Variants in DST observed in about 807,000 individuals in gnomAD.
DST encodes the protein dystonin.
Under a neutral mutation model 875.2 loss-of-function variants are expected in DST, and 253 were observed. That is an observed-to-expected ratio of 0.29 (90% CI 0.26 to 0.32). The LOEUF (loss-of-function observed/expected upper bound fraction) is 0.32, where lower values mean the gene tolerates loss of function less well. DST is among the 10% of genes least tolerant of loss of function. The pLI is 1.00. For synonymous variants in DST, 3,124 were observed against 3,197.1 expected (o/e 0.98, Z 0.77); for missense variants, 8,287 against 9,111.6 (o/e 0.91, Z 3.68).
chr6:56,652,291 C>A (rs2098980516), intron 10 of DST, among the ~76,000 whole-genome samples: 1 of 152,180 alleles, frequency 6.6e-6, no homozygotes, highest in Non-Finnish European at 1.5e-5. Context: ...TCACTCAAGG[C>A]TAGAAGCCAG....
At position 56,714,176 on chromosome 6, in the gene DST, C is replaced by A. The variant is rs2099387252; in HGVS notation, c.688-9807G>T. Among the ~76,000 whole-genome samples the A allele has an allele frequency of 6.6e-6, 1 of 152,082 alleles. No individual in the cohort carries two copies. The highest frequency in any genetic ancestry group is 1.5e-5 in the Non-Finnish European group (1 of 68,018). Reference sequence around the variant, plus strand: ...CGATTCATATTTTTCTAAAATAAAACCACCCAAAATCATATCTGGGGAACT... The same window carrying A: ...CGATTCATATTTTTCTAAAATAAAAACACCCAAAATCATATCTGGGGAACT... On this transcript the variant is annotated intron_variant, in intron 5 of 103. Coordinates refer to ENST00000680361, the MANE Select transcript of DST (RefSeq NM_001374736.1). The surrounding 1 kb of genome is among the most constrained non-coding windows in gnomAD (Gnocchi z 4.5).
At position 56,473,881 on chromosome 6, in the gene DST, C is replaced by A; in HGVS notation, c.21986G>T (p.Arg7329Leu). Residue 7329 changes from arginine (R) to leucine (L), a missense_variant, in exon 93 of 104, where the codon CGA (arginine) becomes CTA (leucine). Coordinates refer to ENST00000680361, the MANE Select transcript of DST (RefSeq NM_001374736.1). ...AATTGATCACTGCTTACTTCCTGCT[C>A]GTCCCTTATCCAAGACTGGAATATG... ...QSHIPVLDKG[R>L]AGRKRFPASS... 1 of 1,598,980 alleles carries A rather than the reference C, an allele frequency of 6.3e-7. No individual in the cohort carries two copies. The highest frequency in any genetic ancestry group is 8.5e-7 in the Non-Finnish European group (1 of 1,171,606).
At chr6:56,859,167 T>A (rs1769646536) in intron 3 of DST, among the ~76,000 whole-genome samples, 1 of 152,146 alleles carries the variant, frequency 6.6e-6, no homozygotes, top group Admixed American at 6.6e-5. Flanking sequence ...AATGTACAAC[T>A]ACAGTACTCC....
chr6:56,890,103 T>A (rs1786646115), intron 3 of DST, among the ~76,000 whole-genome samples: 1 of 147,866 alleles, frequency 6.8e-6, no homozygotes, highest in African/African-American at 2.7e-5. Flanking sequence ...TCTCCATTCC[T>A]TACTCAAAAA....
chr6:56,528,718 G>T (rs1292737698), intron 67 of DST, 123 bp downstream of exon 67: 2 of 693,210 alleles, frequency 2.9e-6, no homozygotes, highest in Non-Finnish European at 5.0e-6. Flanking sequence ...GCATTCTCCA[G>T]AATAAAAGTC....
At chr6:56,611,373 C>A in intron 38 of DST, 135 bp downstream of exon 38, 1 of 626,726 alleles carries the variant, frequency 1.6e-6, no homozygotes, top group Non-Finnish European at 2.8e-6. Flanking sequence ...ATACTCTTTA[C>A]ATTACTATAT....
rs774681834 is a variant in DST, at chr6:56,555,325, T to G, written c.15136+20A>C. The G allele has an allele frequency of 8.4e-6, 13 of 1,538,932 alleles. No individual in the cohort carries two copies. Among genetic ancestry groups the G allele is most frequent in the Non-Finnish European group, 8.7e-7 (1 of 1,145,390 alleles). ...CATTTATTTCTGACCAGGAAATATA[T>G]GTATTAAAAGTAGACAAACCTGCTT... On this transcript the variant is annotated intron_variant, in intron 60 of 103. Coordinates refer to ENST00000680361, the MANE Select transcript of DST (RefSeq NM_001374736.1).
intron 4 of DST, among the ~76,000 whole-genome samples, chr6:56,743,774 G>C (rs897378737): frequency 6.6e-6 from 1 of 152,170 alleles, no homozygotes; most frequent in East Asian, 1.9e-4. Context: ...AGAGCAGAGA[G>C]TGCAGTTTGT....
chr6:56,891,995 G>A (rs1787786467), intron 3 of DST, among the ~76,000 whole-genome samples: 1 of 152,084 alleles, frequency 6.6e-6, no homozygotes, highest in Non-Finnish European at 1.5e-5. Context: ...GAACACCATG[G>A]GTTAGGCCCA....
chr6:56,768,783 A>C (rs1442608364), intron 4 of DST, among the ~76,000 whole-genome samples: 1 of 152,192 alleles, frequency 6.6e-6, no homozygotes, highest in Non-Finnish European at 1.5e-5. Flanking sequence ...AATATTTGCA[A>C]ATCATGGCTG....
At chr6:56,482,274 G>GAAAA in intron 89 of DST, 96 bp from the exon 90 acceptor site, 4 of 1,079,472 alleles carry the variant, frequency 3.7e-6, no homozygotes, top group Non-Finnish European at 4.8e-6. Flanking sequence ...TCCCTTCAAT[G>GAAAA]AAAAAAAAAA....
At chr6:56,576,155 G>A (rs1585316808) in intron 50 of DST, among the ~76,000 whole-genome samples, 1 of 152,300 alleles carries the variant, frequency 6.6e-6, no homozygotes, top group East Asian at 1.9e-4. Context: ...CTGAATAGCT[G>A]AACACATGGA....
Position 56,472,164 on chromosome 6 carries a change from G to A in DST, c.22053C>T (p.Thr7351=), listed in dbSNP as rs779891043. The change falls in exon 94 of 104, where the codon ACC becomes ACT. Residue 7351 remains threonine (T), a synonymous_variant. Transcript: ENST00000680361. Reference sequence around the variant, plus strand: ...CCAGTAAGTTTACCCTAGGATTTTTGGTTTCAATTTGTGTCTGTGACCCAG... The same window carrying A: ...CCAGTAAGTTTACCCTAGGATTTTTAGTTTCAATTTGTGTCTGTGACCCAG... The part of the protein sequence containing the change: ...YPSGSQTQIE[T]KNPRVNLLVS... 2.5e-6 allele frequency: 4 copies of A among 1,613,814 alleles called. No individual in the cohort carries two copies. In the South Asian group the frequency reaches 4.4e-5, roughly 18 times the overall value.
At chr6:56,780,406 A>G (rs1289919587) in intron 4 of DST, among the ~76,000 whole-genome samples, 4 of 150,934 alleles carry the variant, frequency 2.7e-5, no homozygotes, top group Non-Finnish European at 4.4e-5. Flanking sequence ...TGACTTTTTA[A>G]TGATTGCCAT....
intron 4 of DST, among the ~76,000 whole-genome samples, chr6:56,844,871 CAAA>C (rs11389743): frequency 1.6e-5 from 2 of 123,222 alleles, no homozygotes; most frequent in Non-Finnish European, 3.5e-5. Flanking sequence ...GACTCCGTCT[CAAA>C]AAAAAAAAAA....
intron 55 of DST, among the ~76,000 whole-genome samples, chr6:56,567,135 C>T (rs1206591776): frequency 6.6e-6 from 1 of 152,142 alleles, no homozygotes; most frequent in Non-Finnish European, 1.5e-5. Flanking sequence ...AAGCAGTAAA[C>T]TAACAGTTCA....
intron 4 of DST, among the ~76,000 whole-genome samples, chr6:56,784,263 T>C (rs1031187149): frequency 1.5e-4 from 23 of 152,222 alleles, no homozygotes; most frequent in Non-Finnish European, 4.4e-5. Flanking sequence ...TGAATCTGAA[T>C]GTTGGCCTGC....
intron 4 of DST, among the ~76,000 whole-genome samples, chr6:56,783,521 G>T (rs2099698694): frequency 6.6e-6 from 1 of 152,144 alleles, no homozygotes; most frequent in Non-Finnish European, 1.5e-5. Flanking sequence ...TTTAAAGTCT[G>T]TTTTACCAGA....
rs1789014878 is a variant in DST at position 56,893,598 on chromosome 6, A to ATTTTTTTTTT, written c.417+6822_417+6823insAAAAAAAAAA. Among the ~76,000 whole-genome samples the ATTTTTTTTTT allele has an allele frequency of 6.9e-5, 5 of 72,058 alleles. No individual in the cohort carries two copies. The East Asian group carries it at 1.0e-3, about 15-fold the overall frequency. 47.3% of individuals were successfully genotyped at this position (72,058 alleles called of 152,430 possible). On this transcript the variant is annotated intron_variant, in intron 3 of 103. Transcript: ENST00000680361. ...TTTTTTTTTTTTTTTATTTTTTTTT[A>ATTTTTTTTTT]TTTTTTATTTTTTATTTTTATTGAT...
Sources: gnomAD v4.1 joint callset for allele counts (sites outside exome capture counted in the v4.1 genomes callset) on GRCh38, gnomAD v4.1.1 for gene constraint, Gnocchi (gnomAD v3.1) non-coding constraint, MANE v1.5 for transcripts, NCBI Gene and HGNC (gene_info 2026-07-23, HGNC 2026-07-21) for gene names.